The following GRAMD1B variants were observed in gnomAD, a reference collection of about 807,000 sequenced individuals.
GRAMD1B encodes GRAM domain containing 1B, also known as protein Aster-B.
In GRAMD1B, 37 loss-of-function variants were observed where a neutral mutation model predicts 99.7. The ratio of observed to expected loss-of-function variants is 0.37; its 90% CI spans 0.29 to 0.49. GRAMD1B has a LOEUF of 0.49. GRAMD1B is among the 20% of genes least tolerant of loss of function. The pLI is 0.98. For missense variants in GRAMD1B, 888 were observed against 1,009.2 expected (o/e 0.88, Z 1.63); for synonymous variants, 427 against 387.6 (o/e 1.10, Z -1.19).
At chr11:123,474,999 G>A (rs11219164) in intron 1 of GRAMD1B, among the ~76,000 whole-genome samples, 4,779 of 152,206 alleles carry the variant, frequency 0.031, 223 homozygotes, top group African/African-American at 0.099. Context: ...TATGACTCCT[G>A]TAGGGTTGCC....
At chr11:123,379,165 C>T (rs2135778560) in intron 1 of GRAMD1B, among the ~76,000 whole-genome samples, 1 of 152,322 alleles carries the variant, frequency 6.6e-6, no homozygotes, top group East Asian at 1.9e-4. Flanking sequence ...CAGCAGGAAG[C>T]ATAGGTTAGA....
At chr11:123,580,764 T>C (rs1358336640) in intron 3 of GRAMD1B, among the ~76,000 whole-genome samples, 1 of 152,194 alleles carries the variant, frequency 6.6e-6, no homozygotes, top group Non-Finnish European at 1.5e-5. Flanking sequence ...GGGGCCGTTC[T>C]GCCGCTCTCC....
intron 2 of GRAMD1B, among the ~76,000 whole-genome samples, chr11:123,548,325 T>TATATATATATATATATACACAC (rs1555067740): frequency 1.2e-5 from 1 of 86,896 alleles, no homozygotes; most frequent in African/African-American, 5.1e-5. Flanking sequence ...TATATATATA[T>TATATATATATATATATACACAC]ACACACACAC....
intron 1 of GRAMD1B, among the ~76,000 whole-genome samples, chr11:123,439,153 C>T (rs1448895264): frequency 6.6e-6 from 1 of 152,208 alleles, no homozygotes; most frequent in African/African-American, 2.4e-5. Flanking sequence ...GAGCTCTTCT[C>T]CTGTGACTCT....
intron 7 of GRAMD1B, chr11:123,599,467 G>A (rs770678566): frequency 5.1e-5 from 31 of 608,864 alleles, no homozygotes; most frequent in Admixed American, 1.3e-4. Flanking sequence ...CCTTCACCAC[G>A]GCCTCTCGTT....
intron 1 of GRAMD1B, among the ~76,000 whole-genome samples, chr11:123,393,514 A>G (rs924789366): frequency 1.3e-5 from 2 of 152,192 alleles, no homozygotes; most frequent in African/African-American, 4.8e-5. Flanking sequence ...TCCAGTTCCA[A>G]GATGGCACAC....
intron 2 of GRAMD1B, among the ~76,000 whole-genome samples, chr11:123,516,644 A>T (rs1038058515): frequency 6.6e-6 from 1 of 152,192 alleles, no homozygotes; most frequent in African/African-American, 2.4e-5. Flanking sequence ...AGCTGAGACT[A>T]TTCACCATTA....
chr11:123,584,226 C>T (rs899975551), intron 3 of GRAMD1B, 86 bp from the exon 4 acceptor site: 3 of 749,644 alleles, frequency 4.0e-6, no homozygotes, highest in Non-Finnish European at 6.9e-6. Context: ...TGCCCACCCT[C>T]CGCTGTCTGT....
upstream of GRAMD1B, among the ~76,000 whole-genome samples, chr11:123,428,557 T>A (rs1278687669): frequency 6.6e-6 from 1 of 152,212 alleles, no homozygotes; most frequent in Non-Finnish European, 1.5e-5. Flanking sequence ...TTTCCCTTGG[T>A]TTCCCAGCCT....
At chr11:123,377,995 C>T (rs1423421210) in intron 1 of GRAMD1B, among the ~76,000 whole-genome samples, 7 of 152,246 alleles carry the variant, frequency 4.6e-5, no homozygotes, top group African/African-American at 1.7e-4. Context: ...TCCTTTTTTC[C>T]CTGTTAGCAT....
At chr11:123,596,172 C>G in intron 7 of GRAMD1B, 135 bp downstream of exon 7, 1 of 559,632 alleles carries the variant, frequency 1.8e-6, no homozygotes, top group Non-Finnish European at 3.2e-6. Context: ...GATGCAGATT[C>G]CAGGAAGCAC....
At position 123,560,685 on chromosome 11, in the gene GRAMD1B, T is replaced by C. The variant is rs543022216; in HGVS notation, c.453-16682T>C. 7.9e-4 allele frequency: 11 copies of C among 13,990 alleles called. No homozygotes were observed. The South Asian group carries it at 0.036, about 46-fold the overall frequency. The allele number at this position is 13,990 out of a possible 1,614,324, so 0.9% of individuals were successfully genotyped here. A position where few individuals can be genotyped will look rare whatever the true frequency, so the allele number is the denominator to read the frequency against. On this transcript the variant is annotated intron_variant, in intron 2 of 19. Coordinates refer to ENST00000635736, the MANE Select transcript of GRAMD1B (RefSeq NM_001387025.1). ...CTAACTCGTGCTGACGCCTGGTGCG[T>C]GTGTGTGTGTGTGTGTGTGTGTGTG...
At chr11:123,520,845 G>T (rs549649108) in intron 2 of GRAMD1B, among the ~76,000 whole-genome samples, 40 of 151,308 alleles carry the variant, frequency 2.6e-4, no homozygotes, top group African/African-American at 9.4e-4. Context: ...ATAAAAATAT[G>T]TGTAAAGTAT....
intron 2 of GRAMD1B, among the ~76,000 whole-genome samples, chr11:123,504,210 A>G (rs1565306651): frequency 6.6e-6 from 1 of 152,180 alleles, no homozygotes; most frequent in Non-Finnish European, 1.5e-5. Flanking sequence ...ATAGAACAGC[A>G]CTGGTCCCCG....
rs556330437 is a variant in GRAMD1B, at chr11:123,534,819, G to A, written c.453-42548G>A. The stretch of plus-strand genomic sequence containing the variant: ...GTGGAGGTTGCAGTGAGCCAAAATT[G>A]TGCCATTGCACTCCAGCTTAGGCAG... On this transcript the variant is annotated intron_variant, in intron 2 of 19. Transcript: ENST00000635736. 3.8e-3 allele frequency among the ~76,000 whole-genome samples: 577 copies of A among 152,112 alleles called. 3 individuals carry two copies. The highest frequency in any genetic ancestry group is 0.013 in the African/African-American group (547 of 41,478).
At chr11:123,539,009 C>T (rs1944242300) in intron 2 of GRAMD1B, among the ~76,000 whole-genome samples, 1 of 151,916 alleles carries the variant, frequency 6.6e-6, no homozygotes, top group South Asian at 2.1e-4. Context: ...AAGTTTCATC[C>T]AAGTTGTAGC....
intron 1 of GRAMD1B, among the ~76,000 whole-genome samples, chr11:123,457,335 C>T (rs1043451262): frequency 5.3e-5 from 8 of 152,132 alleles, no homozygotes; most frequent in Non-Finnish European, 8.8e-5. Flanking sequence ...CTCTAAACCA[C>T]GTTTGTTCTT....
At chr11:123,445,483 T>A (rs892379925) in intron 1 of GRAMD1B, among the ~76,000 whole-genome samples, 6 of 152,046 alleles carry the variant, frequency 3.9e-5, no homozygotes, top group African/African-American at 1.4e-4. Context: ...GTGTCTACGA[T>A]GAACCACATC....
intron 1 of GRAMD1B, among the ~76,000 whole-genome samples, chr11:123,379,161 G>A (rs1202671227): frequency 6.6e-6 from 1 of 152,202 alleles, no homozygotes; most frequent in East Asian, 1.9e-4. Flanking sequence ...ACTGCAGCAG[G>A]AAGCATAGGT....
Sources: gnomAD v4.1 joint callset for allele counts (sites outside exome capture counted in the v4.1 genomes callset) on GRCh38, gnomAD v4.1.1 for gene constraint, MANE v1.5 for transcripts, NCBI Gene and HGNC (gene_info 2026-07-23, HGNC 2026-07-21) for gene names.